RBM47: variants seen among roughly 807,000 people sequenced by gnomAD.
RBM47 encodes the protein RNA binding motif protein 47, also known as RNA-binding protein 47.
In RBM47, 21 loss-of-function variants were observed where a neutral mutation model predicts 47.1. The observed-to-expected ratio is 0.45, with a 90% CI of 0.32 to 0.64. The LOEUF is 0.64. RBM47 is among the 30% of genes least tolerant of loss of function. The pLI, the probability that RBM47 is intolerant of heterozygous loss-of-function variation, is 0.05. For synonymous variants in RBM47, 375 were observed against 361.7 expected, an observed-to-expected ratio of 1.04 and a Z score of -0.42; for missense variants, 708 against 870.9, an observed-to-expected ratio of 0.81 and a Z score of 2.35.
intron 2 of RBM47, among the ~76,000 whole-genome samples, chr4:40,495,864 G>A (rs73145572): frequency 0.19 from 28,397 of 151,966 alleles, 2,928 homozygotes; most frequent in African/African-American, 0.29. Context: ...CTCTGTAGTA[G>A]AAGCTAACAG....
At chr4:40,525,291 AGCCAG>A (rs1279456181) in intron 2 of RBM47, among the ~76,000 whole-genome samples, 1 of 152,142 alleles carries the variant, frequency 6.6e-6, no homozygotes, top group East Asian at 1.9e-4. Context: ...TACGAAAATT[AGCCAG>A]CTATTTTATT....
chr4:40,556,295 C>T (rs906902096), intron 1 of RBM47, among the ~76,000 whole-genome samples: 2 of 151,938 alleles, frequency 1.3e-5, no homozygotes, highest in African/African-American at 4.8e-5. Context: ...CTCAGCCTCC[C>T]AAAGTGCTGG....
intron 2 of RBM47, among the ~76,000 whole-genome samples, chr4:40,524,985 G>A (rs1285623844): frequency 6.6e-6 from 1 of 152,200 alleles, no homozygotes; most frequent in Non-Finnish European, 1.5e-5. Context: ...AGGCTTGATA[G>A]TAAACAAAAT....
chr4:40,539,707 T>C (rs1425324225), intron 2 of RBM47, among the ~76,000 whole-genome samples: 1 of 112,722 alleles, frequency 8.9e-6, no homozygotes, highest in African/African-American at 3.5e-5. Flanking sequence ...GCCACTGCAC[T>C]CCAGCCTGGG....
chr4:40,520,956 C>T (rs996918920), intron 2 of RBM47, among the ~76,000 whole-genome samples: 7 of 152,206 alleles, frequency 4.6e-5, no homozygotes, highest in African/African-American at 1.4e-4. Context: ...AACATATTTC[C>T]CTTTTACACG....
chr4:40,516,260 T>C (rs1725562708), intron 2 of RBM47, among the ~76,000 whole-genome samples: 1 of 140,654 alleles, frequency 7.1e-6, no homozygotes, highest in South Asian at 2.2e-4. Context: ...TTCTTTTCTT[T>C]CTTTTTTTTT....
At chr4:40,593,499 G>C (rs944950088) in intron 1 of RBM47, among the ~76,000 whole-genome samples, 4 of 152,090 alleles carry the variant, frequency 2.6e-5, no homozygotes, top group African/African-American at 2.4e-5. Flanking sequence ...TTCTCGGGAG[G>C]CCGAGGCAGG....
intron 6 of RBM47, among the ~76,000 whole-genome samples, chr4:40,431,528 TGC>T (rs1553876194): frequency 1.3e-5 from 2 of 151,850 alleles, no homozygotes; most frequent in Non-Finnish European, 2.9e-5. Flanking sequence ...CATGGTGGCG[TGC>T]GCCTGTAGTC....
At chr4:40,625,805 G>T (rs1737686783) in intron 1 of RBM47, among the ~76,000 whole-genome samples, 1 of 152,142 alleles carries the variant, frequency 6.6e-6, no homozygotes, top group South Asian at 2.1e-4. Context: ...TAATGTGGCT[G>T]AGTGTAATCT....
chr4:40,455,866 T>A (rs1716164336), intron 3 of RBM47, among the ~76,000 whole-genome samples: 1 of 152,222 alleles, frequency 6.6e-6, no homozygotes, highest in Non-Finnish European at 1.5e-5. Flanking sequence ...AGGATCTTCT[T>A]TTTGTAGACA....
intron 2 of RBM47, chr4:40,475,642 ACACAGTTACCTCT>A (rs921559175): frequency 6.6e-6 from 1 of 152,186 alleles, no homozygotes; most frequent in Non-Finnish European, 1.5e-5. Context: ...CTTTAACCAA[ACACAGTTACCTCT>A]TCTTCTCTTC....
At chr4:40,504,069 G>T (rs542765855) in intron 2 of RBM47, among the ~76,000 whole-genome samples, 3 of 152,150 alleles carry the variant, frequency 2.0e-5, no homozygotes, top group Non-Finnish European at 2.9e-5. Flanking sequence ...TTATGGGTGG[G>T]AATTAGAGTG....
chr4:40,437,150 T>A (rs966974400), intron 4 of RBM47, among the ~76,000 whole-genome samples: 4 of 57,178 alleles, frequency 7.0e-5, no homozygotes, highest in African/African-American at 2.3e-4. Flanking sequence ...TATATATATA[T>A]AAAATACATA....
intron 1 of RBM47, among the ~76,000 whole-genome samples, chr4:40,595,230 T>G (rs1270240516): frequency 2.6e-5 from 4 of 152,198 alleles, no homozygotes; most frequent in Admixed American, 6.5e-5. Context: ...GCATGGTGGC[T>G]CATGCCTGTA....
At chr4:40,450,884 C>T (rs1160845575) in intron 3 of RBM47, among the ~76,000 whole-genome samples, 3 of 152,020 alleles carry the variant, frequency 2.0e-5, no homozygotes, top group African/African-American at 4.8e-5. Flanking sequence ...GCAGGGGGTG[C>T]GCATAAAATT....
rs1346342674 is a variant in RBM47, at chr4:40,541,719, C to A, written c.-155+2703G>T. ...CACCACTGCACTCCAACTTGGGCAA[C>A]AAGAGCAAAACTCTGTCTCAAAAAA... On this transcript the variant is annotated intron_variant, in intron 2 of 6. Transcript: ENST00000295971. Among the ~76,000 whole-genome samples, 48 of 150,538 alleles carry A rather than the reference C, an allele frequency of 3.2e-4. No individual in the cohort carries two copies. The Admixed American group carries it at 3.2e-3, about 10-fold the overall frequency.
rs557046211 is a variant in RBM47, at chr4:40,443,674, G to A, written c.-31-4750C>T. Among the ~76,000 whole-genome samples, 161 of 125,572 alleles carry A rather than the reference G, an allele frequency of 1.3e-3. 1 individual carries two copies. Among genetic ancestry groups the A allele is most frequent in the Non-Finnish European group, 2.0e-3 (126 of 63,330 alleles). 82.4% of individuals were successfully genotyped at this position (125,572 alleles called of 152,430 possible). ...GGAAGTTGTGGTGTGCTGAGATGGC[G>A]CCATTGCACTCTAGCCTGGGCAACA... On this transcript the variant is annotated intron_variant, in intron 3 of 6. Transcript: ENST00000295971.
chr4:40,607,946 A>T (rs895997224), intron 1 of RBM47, among the ~76,000 whole-genome samples: 2 of 152,022 alleles, frequency 1.3e-5, no homozygotes, highest in South Asian at 4.1e-4. Flanking sequence ...CTCTACTAAA[A>T]TACAAAAAAT....
At chr4:40,620,195 GAAAAAAA>G (rs200356171) in intron 1 of RBM47, among the ~76,000 whole-genome samples, 3 of 80,194 alleles carry the variant, frequency 3.7e-5, no homozygotes, top group Non-Finnish European at 2.4e-5. Context: ...GACTCAGTAT[GAAAAAAA>G]AAAAAAAAAA....
Sources: allele counts gnomAD v4.1 joint callset (sites outside exome capture counted in the v4.1 genomes callset), GRCh38; gene constraint gnomAD v4.1.1; transcripts MANE v1.5; gene names NCBI Gene and HGNC (gene_info 2026-07-23, HGNC 2026-07-21).